Variants in RPH3A observed in about 807,000 individuals in gnomAD.
RPH3A encodes the protein rabphilin-3A.
RPH3A carries 48 observed loss-of-function variants against 102.2 expected under a neutral mutation model. The observed-to-expected ratio is 0.47, with a 90% CI of 0.37 to 0.60. The LOEUF (loss-of-function observed/expected upper bound fraction) is 0.60. RPH3A is among the 20% of genes least tolerant of loss of function. The pLI, the probability that RPH3A is intolerant of heterozygous loss-of-function variation, is 0.00. For synonymous variants in RPH3A, 310 were observed against 324.3 expected, an observed-to-expected ratio of 0.96 and a Z score of 0.47; for missense variants, 781 against 910.1, an observed-to-expected ratio of 0.86 and a Z score of 1.83.
At chr12:112,678,898 G>A (rs1316975304) in intron 1 of RPH3A, among the ~76,000 whole-genome samples, 1 of 152,166 alleles carries the variant, frequency 6.6e-6, no homozygotes, top group Non-Finnish European at 1.5e-5. Flanking sequence ...GTGAGAAGGG[G>A]TCTGTGTTCC....
chr12:112,614,682 C>T (rs2039664166), intron 1 of RPH3A, among the ~76,000 whole-genome samples: 1 of 117,136 alleles, frequency 8.5e-6, no homozygotes, highest in African/African-American at 3.6e-5. Flanking sequence ...GAGTGAGACC[C>T]TGCCTCAAAA....
At chr12:112,737,169 CAAAAT>C (rs2040675688) in intron 1 of RPH3A, among the ~76,000 whole-genome samples, 1 of 126,086 alleles carries the variant, frequency 7.9e-6, no homozygotes, top group Non-Finnish European at 1.7e-5. Flanking sequence ...AAAAAAAAAA[CAAAAT>C]AAAAAAAAAA....
intron 15 of RPH3A, among the ~76,000 whole-genome samples, chr12:112,882,974 C>A (rs914108965): frequency 1.3e-5 from 2 of 152,144 alleles, no homozygotes; most frequent in Non-Finnish European, 2.9e-5. Flanking sequence ...ATGGGTGACT[C>A]TCATTTCTGT....
intron 1 of RPH3A, among the ~76,000 whole-genome samples, chr12:112,612,900 G>C (rs1387271728): frequency 1.3e-5 from 2 of 151,914 alleles, no homozygotes; most frequent in African/African-American, 2.4e-5. Context: ...TAAACTCTAG[G>C]ATATCCAAGG....
intron 20 of RPH3A, among the ~76,000 whole-genome samples, chr12:112,895,143 C>T (rs1375591883): frequency 1.3e-5 from 2 of 152,100 alleles, no homozygotes; most frequent in East Asian, 3.9e-4. Flanking sequence ...CACTCTGTGG[C>T]CTAGGCTGGA....
chr12:112,696,384 C>T (rs552356555), intron 1 of RPH3A, among the ~76,000 whole-genome samples: 1 of 152,290 alleles, frequency 6.6e-6, no homozygotes, highest in South Asian at 2.1e-4. Flanking sequence ...GATAGATCTG[C>T]TTTTAGTTCT....
At chr12:112,831,452 G>A (rs1381578217) in intron 3 of RPH3A, among the ~76,000 whole-genome samples, 2 of 152,128 alleles carry the variant, frequency 1.3e-5, no homozygotes, top group South Asian at 2.1e-4. Flanking sequence ...CACTCTTAAC[G>A]ACATCTTAAT....
intron 1 of RPH3A, among the ~76,000 whole-genome samples, chr12:112,738,291 C>G (rs1234145568): frequency 6.6e-6 from 1 of 152,080 alleles, no homozygotes; most frequent in Admixed American, 6.6e-5. Context: ...CTCCTAGGCC[C>G]AAGAGATCCT....
chr12:112,679,673 G>A (rs928637603), intron 1 of RPH3A, among the ~76,000 whole-genome samples: 2 of 152,122 alleles, frequency 1.3e-5, no homozygotes, highest in South Asian at 2.1e-4. Context: ...TGATCCTCCC[G>A]TCCTGGCCTC....
chr12:112,764,420 T>C (rs1325056893), intron 1 of RPH3A, among the ~76,000 whole-genome samples: 1 of 152,188 alleles, frequency 6.6e-6, no homozygotes, highest in East Asian at 1.9e-4. Flanking sequence ...TCAGAGGGAA[T>C]AGGTGGTAAA....
In RPH3A at chr12:112,678,297, GAA is replaced by G. The variant is rs536864191; in HGVS notation, c.-140+102980_-140+102981del. Among the ~76,000 whole-genome samples the G allele has an allele frequency of 7.0e-3, 557 of 79,854 alleles. 11 individuals are homozygous for G. Among genetic ancestry groups the G allele is most frequent in the South Asian group, 0.011 (32 of 2,996 alleles). 52.4% of individuals were successfully genotyped at this position (79,854 alleles called of 152,430 possible). ...AGAAAGAAAGAAAGAAAGAAAGAAA[GAA>G]AGAAAGAGAGAGAGAGAGAAAGAAA... On this transcript the variant is annotated intron_variant, in intron 1 of 21. Transcript: ENST00000543106.
At chr12:112,705,492 C>A (rs2040421964) in intron 1 of RPH3A, among the ~76,000 whole-genome samples, 1 of 152,062 alleles carries the variant, frequency 6.6e-6, no homozygotes, top group South Asian at 2.1e-4. Flanking sequence ...TTCAATGGTA[C>A]AATAAACACT....
intron 5 of RPH3A, among the ~76,000 whole-genome samples, chr12:112,850,531 T>C (rs553543317): frequency 2.0e-5 from 3 of 152,184 alleles, no homozygotes; most frequent in African/African-American, 4.8e-5. Context: ...GTTTTCTGCC[T>C]GGCTTCCCAG....
At chr12:112,855,838 G>A (rs1051135337) in intron 5 of RPH3A, among the ~76,000 whole-genome samples, 1 of 152,130 alleles carries the variant, frequency 6.6e-6, no homozygotes, top group Non-Finnish European at 1.5e-5. Context: ...GTGAGGTGAA[G>A]AGCGAGCAGG....
Position 112,747,484 on chromosome 12 carries a change from G to A in RPH3A, c.-139-44659G>A, listed in dbSNP as rs562353307. ...TCTTATGGCATCCTAAACAGACTAAGACAGTGCTGTATCTCTAGTGCCTTT... is the reference window on the plus strand; with the variant it reads ...TCTTATGGCATCCTAAACAGACTAAAACAGTGCTGTATCTCTAGTGCCTTT... On this transcript the variant is annotated intron_variant, in intron 1 of 21. Coordinates refer to the RPH3A transcript ENST00000543106. 1.1e-3 allele frequency among the ~76,000 whole-genome samples: 162 copies of A among 152,332 alleles called. 2 individuals carry two copies. Among genetic ancestry groups the A allele is most frequent in the African/African-American group, 3.7e-3 (155 of 41,586 alleles).
chr12:112,734,012 C>G (rs2040651736), intron 1 of RPH3A, among the ~76,000 whole-genome samples: 1 of 152,114 alleles, frequency 6.6e-6, no homozygotes, highest in African/African-American at 2.4e-5. Context: ...CTACACAGCT[C>G]TTTGAATTAG....
At chr12:112,702,013 A>T (rs538946433) in intron 1 of RPH3A, among the ~76,000 whole-genome samples, 1 of 152,334 alleles carries the variant, frequency 6.6e-6, no homozygotes, top group Admixed American at 6.5e-5. Flanking sequence ...AGGGGATTCC[A>T]CTTGGGATAA....
At chr12:112,796,464 C>T (rs1241090465) in intron 2 of RPH3A, among the ~76,000 whole-genome samples, 1 of 152,220 alleles carries the variant, frequency 6.6e-6, no homozygotes, top group Non-Finnish European at 1.5e-5. Context: ...CAATGACTTA[C>T]TGAGTGAATG....
At chr12:112,594,715 G>A (rs1187986303) in intron 1 of RPH3A, among the ~76,000 whole-genome samples, 1 of 152,208 alleles carries the variant, frequency 6.6e-6, no homozygotes, top group Non-Finnish European at 1.5e-5. Context: ...GTGGGAGGTT[G>A]AAATAATGTC....
Sources: allele counts gnomAD v4.1 joint callset (sites outside exome capture counted in the v4.1 genomes callset), GRCh38; gene constraint gnomAD v4.1.1; transcripts MANE v1.5; gene names NCBI Gene and HGNC (gene_info 2026-07-23, HGNC 2026-07-21).